Variants in MPP1 observed in about 807,000 individuals in gnomAD.
MPP1 encodes 55 kDa erythrocyte membrane protein.
MPP1 carries 6 observed loss-of-function variants against 38.2 expected under a neutral mutation model. The observed-to-expected ratio is 0.16, with a 90% CI of 0.09 to 0.31. The LOEUF (loss-of-function observed/expected upper bound fraction) is 0.31, where lower values mean the gene tolerates loss of function less well. Among genes scored for constraint, MPP1 ranks in the 10% least tolerant of loss-of-function variants. The probability of loss-of-function intolerance (pLI) is 1.00; values close to 1 mark genes in which losing one functional copy is unlikely to be tolerated. For synonymous variants in MPP1, 153 were observed against 146.3 expected (o/e 1.05, Z -0.33); for missense variants, 293 against 368.9 (o/e 0.79, Z 1.69).
At chrX:154,788,807 A>G (rs969707523) in intron 5 of MPP1, among the ~76,000 whole-genome samples, 1 of 112,172 alleles carries the variant, frequency 8.9e-6, no homozygotes, top group African/African-American at 3.2e-5. Flanking sequence ...CAGCCATTCA[A>G]TGTAAGACCA....
At chrX:154,804,752 T>C (rs1557268981) in intron 1 of MPP1, 1 of 342,850 alleles carries the variant, frequency 2.9e-6, no homozygotes, top group East Asian at 9.7e-5. Context: ...CATCCATCCC[T>C]GGAATCTGGA....
At chrX:154,791,634 C>T in intron 3 of MPP1, 135 bp downstream of exon 3, 1 of 523,924 alleles carries the variant, frequency 1.9e-6, no homozygotes, top group Non-Finnish European at 3.2e-6. Context: ...GTTATTAAGC[C>T]ACAAAAAGTC....
In MPP1 at chrX:154,786,255, C is replaced by A; in HGVS notation, c.626G>T (p.Gly209Val). The change falls in exon 6 of 12, where the codon GGC (glycine) becomes GTC (valine). Residue 209 changes from glycine to valine, a missense_variant. By Grantham distance (109) the Gly-to-Val change is moderately radical. Transcript: ENST00000369534. ...CAATCCTGCTGACTCCTTGGAGGAG[C>A]CTTCCACCCGTCCCTGCCACCAATT... ...DSNWWQGRVE[G>V]SSKESAGLIP... 11 of 1,211,775 alleles carry A rather than the reference C, an allele frequency of 9.1e-6. No homozygotes were observed. Among genetic ancestry groups the A allele is most frequent in the Non-Finnish European group, 1.2e-5 (11 of 895,449 alleles).
At chrX:154,787,612 T>TAG (rs1393800721) in intron 5 of MPP1, among the ~76,000 whole-genome samples, 3 of 111,883 alleles carry the variant, frequency 2.7e-5, no homozygotes, top group African/African-American at 9.8e-5. Context: ...TCCAACGTCA[T>TAG]ACTTCTCAGT....
rs1209917427 is a variant in MPP1 at position 154,787,289 on chromosome X, A to C, written c.481-889T>G. Among the ~76,000 whole-genome samples the C allele has an allele frequency of 3.6e-5, 4 of 111,940 alleles. No homozygotes were observed. The Admixed American group carries it at 3.8e-4, about 11-fold the overall frequency. ...TACCCAAATCTGACAAGAATCTTAT[A>C]ATTTCTCTCTGCAACAGAGATGTAA... On this transcript the variant is annotated intron_variant, in intron 5 of 11. Coordinates refer to ENST00000369534, the MANE Select transcript of MPP1 (RefSeq NM_002436.4).
intron 11 of MPP1, among the ~76,000 whole-genome samples, chrX:154,780,397 A>T (rs1224875003): frequency 8.9e-6 from 1 of 112,853 alleles, no homozygotes; most frequent in African/African-American, 3.2e-5. Context: ...TGACCAGATA[A>T]TTCTCAGAAA....
chrX:154,797,025 G>A (rs781950630), intron 1 of MPP1, among the ~76,000 whole-genome samples: 22 of 112,060 alleles, frequency 2.0e-4, no homozygotes, highest in Non-Finnish European at 3.6e-4. Context: ...TCTAGCCTGG[G>A]CAACAGAGCG....
chrX:154,785,837 G>T (rs2072065690), intron 6 of MPP1, among the ~76,000 whole-genome samples: 1 of 112,519 alleles, frequency 8.9e-6, no homozygotes. Context: ...AAATGCGACT[G>T]TTTTCTGCAG....
At chrX:154,797,122 T>A (rs868943223) in intron 1 of MPP1, among the ~76,000 whole-genome samples, 1 of 112,185 alleles carries the variant, frequency 8.9e-6, no homozygotes, top group South Asian at 3.7e-4. Context: ...CTCTGTTTTG[T>A]TTAGTAAAAA....
intron 8 of MPP1, 52 bp downstream of exon 8, chrX:154,783,976 G>T: frequency 9.0e-7 from 1 of 1,110,279 alleles, no homozygotes; most frequent in Non-Finnish European, 1.2e-6. Context: ...GGCACGTGAT[G>T]CAGGCAGGAA....
At chrX:154,787,098 CCAAACACACACA>C (rs2072085759) in intron 5 of MPP1, among the ~76,000 whole-genome samples, 1 of 50,019 alleles carries the variant, frequency 2.0e-5, no homozygotes, top group South Asian at 1.3e-3. Context: ...TCTCCTGCTC[CCAAACACACACA>C]CACACACACA....
Position 154,799,940 on chromosome X carries a change from G to A in MPP1, c.102+5332C>T, listed in dbSNP as rs782583701. The A allele has an allele frequency of 4.2e-5, 45 of 1,070,930 alleles. No homozygotes were observed. The African/African-American group carries it at 6.3e-4, about 15-fold the overall frequency. 88.3% of individuals were successfully genotyped at this position (1,070,930 alleles called of 1,213,427 possible). ...AAAACAAACTTGGCGGGGGGCGGGC[G>A]GTGGCGGGGGTGAATAGAGCAGGGG... On this transcript the variant is annotated intron_variant, in intron 1 of 11. Coordinates refer to ENST00000369534, the MANE Select transcript of MPP1 (RefSeq NM_002436.4).
At chrX:154,795,938 TAATAA>T (rs1203401612) in intron 1 of MPP1, among the ~76,000 whole-genome samples, 5 of 111,375 alleles carry the variant, frequency 4.5e-5, no homozygotes, top group Admixed American at 9.5e-5. Flanking sequence ...TGTGTTACTT[TAATAA>T]AATAAATTAG....
chrX:154,787,663 G>A, intron 5 of MPP1, among the ~76,000 whole-genome samples: 1 of 111,335 alleles, frequency 9.0e-6, no homozygotes. Context: ...AAAGGACATG[G>A]GTCTTGCTAT....
intron 11 of MPP1, among the ~76,000 whole-genome samples, chrX:154,780,183 C>A (rs1304715254): frequency 8.9e-6 from 1 of 112,725 alleles, no homozygotes; most frequent in Admixed American, 9.3e-5. Context: ...GTATATATAT[C>A]TCAGGACTCT....
Position 154,785,684 on chromosome X carries a change from T to C in MPP1, c.677+520A>G, listed in dbSNP as rs138070108. On this transcript the variant is annotated intron_variant, in intron 6 of 11. Coordinates refer to ENST00000369534, the MANE Select transcript of MPP1 (RefSeq NM_002436.4). ...TTTGCACAGGCAGAGGGAGGCTCAG[T>C]GTTGGATGTCTTATCAGTTGGAACT... Among the ~76,000 whole-genome samples the C allele has an allele frequency of 8.1e-4, 91 of 112,332 alleles. No individual in the cohort carries two copies. The Middle Eastern group carries it at 0.014, about 17-fold the overall frequency.
In MPP1 at chrX:154,781,327, AG is replaced by A; in HGVS notation, c.1150-15del. On this transcript the variant is annotated splice_polypyrimidine_tract_variant and intron_variant, in intron 10 of 11. Transcript: ENST00000369534. ...AATTTTCAGGGTCTAGAAAAAAAAAAGAAGGGCGGCGGGGAGGGGGGGGAAG... is the reference window on the plus strand; with the variant it reads ...AATTTTCAGGGTCTAGAAAAAAAAAAAAGGGCGGCGGGGAGGGGGGGGAAG... The A allele has an allele frequency of 4.4e-6, 5 of 1,138,311 alleles. No individual in the cohort carries two copies. Among genetic ancestry groups the A allele is most frequent in the Non-Finnish European group, 3.5e-6 (3 of 847,288 alleles). The allele number at this position is 1,138,311 out of a possible 1,213,427, so 93.8% of individuals were successfully genotyped here.
At chrX:154,804,435 TC>T (rs2072297740) in intron 1 of MPP1, among the ~76,000 whole-genome samples, 1 of 111,347 alleles carries the variant, frequency 9.0e-6, no homozygotes, top group African/African-American at 3.3e-5. Flanking sequence ...TCTCTGGTTC[TC>T]TCTGGACATT....
intron 6 of MPP1, among the ~76,000 whole-genome samples, 158 bp from the exon 7 acceptor site, chrX:154,785,315 T>G (rs782017438): frequency 9.3e-6 from 1 of 107,427 alleles, no homozygotes; most frequent in South Asian, 4.2e-4. Flanking sequence ...TTGGTGCATC[T>G]TGCACTGTGC....
Sources: gnomAD v4.1 joint callset for allele counts (sites outside exome capture counted in the v4.1 genomes callset) on GRCh38, gnomAD v4.1.1 for gene constraint, MANE v1.5 for transcripts, NCBI Gene and HGNC (gene_info 2026-07-23, HGNC 2026-07-21) for gene names.